Variants in ANKRD54 observed in about 807,000 individuals in gnomAD.
The protein encoded by ANKRD54 is ankyrin repeat domain-containing protein 54.
A neutral mutation model predicts 36.2 loss-of-function variants in ANKRD54; 26 were observed. The observed-to-expected ratio is 0.72, with a 90% confidence interval of 0.53 to 1.00. ANKRD54 has a LOEUF of 1.00. Ranked by LOEUF, ANKRD54 falls within the 50% of genes least tolerant of loss-of-function variation. ANKRD54 has a pLI of 0.00. For missense variants in ANKRD54, 384 were observed against 424.3 expected, an observed-to-expected ratio of 0.91 and a Z score of 0.83; for synonymous variants, 209 against 188.4, an observed-to-expected ratio of 1.11 and a Z score of -0.89.
At chr22:37,832,775 G>T (rs775394063) in intron 6 of ANKRD54, 31 bp from the exon 7 acceptor site, 7 of 1,610,936 alleles carry the variant, frequency 4.3e-6, no homozygotes, top group Middle Eastern at 1.6e-4. Context: ...GAGCTGCCTG[G>T]GTTCCTAGGG....
At position 37,844,010 on chromosome 22, in the gene ANKRD54, C is replaced by G; in HGVS notation, c.229G>C (p.Glu77Gln). Reference sequence around the variant, plus strand: ...TTGCAGCGCAGCTCGTCGCGCGGCTCCGCATCCTGCTGCCACAGGACGTGC... The same window carrying G: ...TTGCAGCGCAGCTCGTCGCGCGGCTGCGCATCCTGCTGCCACAGGACGTGC... ...YLHVLWQQDA[E>Q]PRDELRCKIP... is the part of the protein sequence containing the mutation. Residue 77 changes from glutamate to glutamine, a missense_variant, in exon 1 of 8, where the codon GAG (glutamate) becomes CAG (glutamine). Physicochemically the swap from Glu to Gln is conservative, Grantham distance 29 (BLOSUM62 2). Coordinates refer to ENST00000215941, the MANE Select transcript of ANKRD54 (RefSeq NM_138797.4). 1 of 1,431,020 alleles carries G rather than the reference C, an allele frequency of 7.0e-7. No homozygotes were observed. Among genetic ancestry groups the G allele is most frequent in the Non-Finnish European group, 9.1e-7 (1 of 1,097,228 alleles). 88.6% of individuals were successfully genotyped at this position (1,431,020 alleles called of 1,614,324 possible).
Position 37,843,280 on chromosome 22 carries a change from G to A in ANKRD54, c.328+631C>T, listed in dbSNP as rs1049280433. On this transcript the variant is annotated intron_variant, in intron 1 of 7. Coordinates refer to ENST00000215941, the MANE Select transcript of ANKRD54 (RefSeq NM_138797.4). ...TTTACTAAAATTACAATAATTAGCC[G>A]GGCTTGGTAGTGGGCGCCTGTAACC... Among the ~76,000 whole-genome samples the A allele has an allele frequency of 2.6e-5, 4 of 152,106 alleles. 1 individual carries two copies. The South Asian group carries it at 8.3e-4, about 32-fold the overall frequency.
At chr22:37,844,532 T>A, upstream of ANKRD54, 1 of 372,784 alleles carries the variant, frequency 2.7e-6, no homozygotes, top group Non-Finnish European at 4.8e-6. Context: ...AATTACAAAC[T>A]TGAAGTGACC....
intron 3 of ANKRD54, 69 bp from the exon 4 acceptor site, chr22:37,833,824 A>G (rs1245500123): frequency 6.2e-6 from 9 of 1,461,124 alleles, no homozygotes; most frequent in African/African-American, 2.8e-5. Context: ...CCCCTAACCT[A>G]GCTAGAGAGG....
At chr22:37,841,263 C>T (rs190754373) in intron 1 of ANKRD54, among the ~76,000 whole-genome samples, 1 of 152,086 alleles carries the variant, frequency 6.6e-6, no homozygotes, top group African/African-American at 2.4e-5. Flanking sequence ...TGGTGACTCA[C>T]GCCTGTAATC....
chr22:37,842,262 G>C (rs983356871), intron 1 of ANKRD54, among the ~76,000 whole-genome samples: 2 of 152,150 alleles, frequency 1.3e-5, no homozygotes, highest in African/African-American at 4.8e-5. Context: ...CTCAAAAAAA[G>C]AAAAGAAAGA....
intron 3 of ANKRD54, 65 bp downstream of exon 3, chr22:37,838,435 C>A: frequency 6.7e-7 from 1 of 1,487,028 alleles, no homozygotes; most frequent in Non-Finnish European, 9.2e-7. Context: ...GCAGCGCCTC[C>A]CCCAAGGCCT....
chr22:37,836,495 G>C (rs1310686221), intron 3 of ANKRD54, among the ~76,000 whole-genome samples: 4 of 130,922 alleles, frequency 3.1e-5, no homozygotes, highest in Admixed American at 3.0e-4. Context: ...TGAACATATA[G>C]TTCATAAAAG....
At position 37,831,710 on chromosome 22, in the gene ANKRD54, T is replaced by A; in HGVS notation, c.*233A>T. ...GAGGCTGGTCTGGTGCTGCGAGAAC[T>A]GGAAGAAGCTGGGAGCTGTGGTCCC... On this transcript the variant is annotated 3_prime_UTR_variant, in exon 8 of 8. Transcript: ENST00000215941. 2 of 566,846 alleles carry A rather than the reference T, an allele frequency of 3.5e-6. No homozygotes were observed. The allele number at this position is 566,846 out of a possible 1,614,324, so 35.1% of individuals were successfully genotyped here.
intron 3 of ANKRD54, chr22:37,834,039 C>A: frequency 2.6e-6 from 1 of 383,996 alleles, no homozygotes; most frequent in African/African-American, 2.0e-5. Context: ...AGCAGCTGCT[C>A]CTGGTGAAGG....
At chr22:37,832,152 A>G in intron 7 of ANKRD54, 135 bp from the exon 8 acceptor site, 1 of 803,702 alleles carries the variant, frequency 1.2e-6, no homozygotes, top group South Asian at 1.7e-5. Flanking sequence ...CTGACTACGC[A>G]GCAGTTGACC....
chr22:37,839,342 T>G (rs1025946531), intron 2 of ANKRD54, among the ~76,000 whole-genome samples: 2 of 152,170 alleles, frequency 1.3e-5, no homozygotes, highest in African/African-American at 4.8e-5. Context: ...GATTTTTTCT[T>G]ATATATTTCT....
chr22:37,833,262 G>T (rs979876731), intron 4 of ANKRD54, 56 bp from the exon 5 acceptor site: 1 of 1,597,002 alleles, frequency 6.3e-7, no homozygotes, highest in Non-Finnish European at 8.5e-7. Context: ...CTGGCTCTGC[G>T]TGGCCACTGG....
chr22:37,840,844 G>A (rs899964538), intron 1 of ANKRD54, among the ~76,000 whole-genome samples: 6 of 151,814 alleles, frequency 4.0e-5, no homozygotes, highest in Non-Finnish European at 7.4e-5. Context: ...CCAAAATCGC[G>A]CCACTGCACT....
chr22:37,849,244 G>A, upstream of ANKRD54: 2 of 622,502 alleles, frequency 3.2e-6, no homozygotes, highest in East Asian at 2.9e-5. Flanking sequence ...CGCCCGCCTC[G>A]GCCTCCCAAA....
chr22:37,831,836 C>A lies in ANKRD54; in HGVS notation c.*107G>T. The A allele has an allele frequency of 8.0e-7, 1 of 1,244,386 alleles. No homozygotes were observed. Among genetic ancestry groups the A allele is most frequent in the Non-Finnish European group, 1.1e-6 (1 of 886,456 alleles). The allele number at this position is 1,244,386 out of a possible 1,614,324, so 77.1% of individuals were successfully genotyped here. A position where few individuals can be genotyped will look rare whatever the true frequency, so the allele number is the denominator to read the frequency against. On this transcript the variant is annotated 3_prime_UTR_variant, in exon 8 of 8. Transcript: ENST00000215941. The stretch of plus-strand genomic sequence containing the variant: ...CATCTGCGGGTGAGGGCAAGGTCCT[C>A]ACCAGACAAGTGCAGCTCCAAGTCC...
chr22:37,833,164 C>T lies in ANKRD54; in HGVS notation c.590G>A (p.Arg197Gln), dbSNP rs770688448. 8 of 1,613,692 alleles carry T rather than the reference C, an allele frequency of 5.0e-6. No homozygotes were observed. Among genetic ancestry groups the T allele is most frequent in the East Asian group, 4.5e-5 (2 of 44,892 alleles). Residue 197 changes from arginine to glutamine, a missense_variant, in exon 5 of 8, where the codon CGA becomes CAA. Around this residue, in one of 3 missense-constraint regions of ANKRD54, gnomAD observed 179 missense variants for 224.0 expected, o/e 0.80. Transcript: ENST00000215941. ...NHVPVITTLLRGGARVDALDR... is the reference protein window; with the variant it reads ...NHVPVITTLLQGGARVDALDR... ...GAGGGGAAGAAACCACATACCTCCTCGTAGCAGTGTGGTGATGACAGGAAC... is the reference window on the plus strand; with the variant it reads ...GAGGGGAAGAAACCACATACCTCCTTGTAGCAGTGTGGTGATGACAGGAAC...
intron 1 of ANKRD54, 142 bp downstream of exon 1, chr22:37,843,769 G>A (rs913825489): frequency 6.8e-6 from 3 of 439,408 alleles, no homozygotes; most frequent in Non-Finnish European, 1.1e-5. Context: ...AGACTCAAGG[G>A]TCAGTGTGGC....
upstream of ANKRD54, chr22:37,844,516 G>C: frequency 2.5e-6 from 1 of 398,172 alleles, no homozygotes; most frequent in African/African-American, 2.1e-5. Context: ...GACAGACATT[G>C]TAACCAATTA....
Sources: gnomAD v4.1 joint callset for allele counts (sites outside exome capture counted in the v4.1 genomes callset) on GRCh38, gnomAD v4.1.1 for gene constraint, gnomAD v4.1.1 regional missense constraint, MANE v1.5 for transcripts, NCBI Gene and HGNC (gene_info 2026-07-23, HGNC 2026-07-21) for gene names.